Variants in AFF1 observed in about 807,000 individuals in gnomAD.
AFF1 encodes ALF transcription elongation factor 1.
Under a neutral mutation model 121.7 loss-of-function variants are expected in AFF1, and 48 were observed. That is an observed-to-expected ratio of 0.39 (90% CI 0.31 to 0.50). The LOEUF is 0.50. Among genes scored for constraint, AFF1 ranks in the 20% least tolerant of loss-of-function variants. The pLI, the probability that AFF1 is intolerant of heterozygous loss-of-function variation, is 0.76. For missense variants in AFF1, 1,523 were observed against 1,511.7 expected (o/e 1.01, Z -0.12); for synonymous variants, 613 against 563.0 (o/e 1.09, Z -1.26).
At chr4:87,123,254 A>C (rs1247496643) in intron 12 of AFF1, among the ~76,000 whole-genome samples, 1 of 152,238 alleles carries the variant, frequency 6.6e-6, no homozygotes, top group Non-Finnish European at 1.5e-5. Context: ...ATCAACTCCC[A>C]AAATATGTAA....
At chr4:86,998,279 C>G (rs956032369) in intron 2 of AFF1, among the ~76,000 whole-genome samples, 2 of 152,048 alleles carry the variant, frequency 1.3e-5, no homozygotes, top group Admixed American at 1.3e-4. Context: ...CAACAGATGT[C>G]CCTGGAGACA....
intron 2 of AFF1, among the ~76,000 whole-genome samples, chr4:86,977,144 C>G (rs937402321): frequency 6.6e-6 from 1 of 152,162 alleles, no homozygotes; most frequent in Non-Finnish European, 1.5e-5. Flanking sequence ...GAGACAGATA[C>G]ATTCTAAGAC....
chr4:87,125,951 A>G (rs1560654902), intron 13 of AFF1, 148 bp from the exon 14 acceptor site: 7 of 784,452 alleles, frequency 8.9e-6, no homozygotes, highest in Non-Finnish European at 1.5e-5. Flanking sequence ...AAATGCCTCA[A>G]AAAGTCCCTG....
chr4:86,994,466 A>G (rs150657673), intron 2 of AFF1, among the ~76,000 whole-genome samples: 2 of 152,376 alleles, frequency 1.3e-5, no homozygotes, highest in East Asian at 1.9e-4. Flanking sequence ...AGATTATGCA[A>G]TCTGGGGGCA....
intron 4 of AFF1, among the ~76,000 whole-genome samples, chr4:87,052,466 T>C (rs1271954817): frequency 6.6e-6 from 1 of 150,656 alleles, no homozygotes; most frequent in Non-Finnish European, 1.5e-5. Flanking sequence ...ATGAGGGGAG[T>C]ATGGCTAGAA....
intron 2 of AFF1, among the ~76,000 whole-genome samples, chr4:86,998,126 A>AAAAAAAC (rs1725381921): frequency 1.1e-4 from 15 of 132,772 alleles, no homozygotes; most frequent in African/African-American, 4.2e-4. Context: ...AAAAAAAAAA[A>AAAAAAAC]ACAAGAAAAC....
intron 11 of AFF1, among the ~76,000 whole-genome samples, chr4:87,110,998 A>ATTTTTTT (rs1263757983): frequency 4.9e-5 from 4 of 81,044 alleles, no homozygotes; most frequent in African/African-American, 2.3e-4. Flanking sequence ...CTTAAACTTT[A>ATTTTTTT]TTTTTTTTTT....
chr4:87,022,019 A>G (rs985390159), intron 2 of AFF1, among the ~76,000 whole-genome samples: 2 of 152,308 alleles, frequency 1.3e-5, no homozygotes, highest in African/African-American at 4.8e-5. Flanking sequence ...CCTAGCTGAC[A>G]TGGTGAAACT....
chr4:86,968,507 G>A (rs1305677031), intron 2 of AFF1, among the ~76,000 whole-genome samples: 1 of 152,100 alleles, frequency 6.6e-6, no homozygotes, highest in African/African-American at 2.4e-5. Context: ...ATGATATTTC[G>A]ACTGTGCCCT....
intron 1 of AFF1, among the ~76,000 whole-genome samples, chr4:86,947,673 C>T (rs1720961218): frequency 6.6e-6 from 1 of 152,162 alleles, no homozygotes; most frequent in East Asian, 1.9e-4. Flanking sequence ...CAGCTGTAGA[C>T]AGTGTTAACC....
At chr4:86,991,982 C>T (rs1440271285) in intron 2 of AFF1, among the ~76,000 whole-genome samples, 1 of 151,990 alleles carries the variant, frequency 6.6e-6, no homozygotes, top group Non-Finnish European at 1.5e-5. Context: ...TTGCCTTTTG[C>T]AGAAGTCGTC....
intron 2 of AFF1, among the ~76,000 whole-genome samples, chr4:87,002,431 T>G (rs1251915547): frequency 5.0e-4 from 71 of 142,810 alleles, no homozygotes; most frequent in Admixed American, 2.8e-4. Context: ...TGAAGTTTTT[T>G]TTTTTTTTTT....
chr4:87,104,600 A>T (rs1481782575), intron 8 of AFF1, among the ~76,000 whole-genome samples: 1 of 152,198 alleles, frequency 6.6e-6, no homozygotes, highest in Admixed American at 6.5e-5. Context: ...TCATTAGAAA[A>T]CATAGTGATT....
At chr4:87,066,467 G>A (rs1196764578) in intron 4 of AFF1, among the ~76,000 whole-genome samples, 4 of 152,082 alleles carry the variant, frequency 2.6e-5, no homozygotes, top group Admixed American at 1.3e-4. Context: ...TGTGCTTGTA[G>A]TCTTAGCTGC....
In AFF1 at chr4:87,113,238, A is replaced by G. The variant is rs75886567; in HGVS notation, c.1534-1129A>G. Among the ~76,000 whole-genome samples the G allele has an allele frequency of 1.4e-3, 215 of 152,298 alleles. 6 individuals carry two copies. In the East Asian group the frequency reaches 0.033, roughly 23 times the overall value. On this transcript the variant is annotated intron_variant, in intron 11 of 20. Transcript: ENST00000395146. ...ATGCCTCCCTTTGTATCTTAGAAAC[A>G]TAGGTGCTGTTTCAGACCAGGTTGC...
intron 1 of AFF1, among the ~76,000 whole-genome samples, chr4:86,945,270 A>C (rs1377466598): frequency 4.3e-5 from 6 of 140,142 alleles, no homozygotes; most frequent in African/African-American, 1.7e-4. Context: ...GTACAGCACT[A>C]CTCTGTTTTT....
Position 87,137,088 on chromosome 4 carries a change from T to C in AFF1, c.*1387T>C, listed in dbSNP as rs1233738059. 4.4e-6 allele frequency: 1 copy of C among 225,042 alleles called. No individual in the cohort carries two copies. Among genetic ancestry groups the C allele is most frequent in the African/African-American group, 2.2e-5 (1 of 44,900 alleles). The allele number at this position is 225,042 out of a possible 1,614,324, so 13.9% of individuals were successfully genotyped here. Reference sequence around the variant, plus strand: ...GCCCATAAGCACAGATTTTTCTTTTTCATTGAAACTTTAAAGGTTATTATT... The same window carrying C: ...GCCCATAAGCACAGATTTTTCTTTTCCATTGAAACTTTAAAGGTTATTATT... On this transcript the variant is annotated 3_prime_UTR_variant, in exon 21 of 21. Transcript: ENST00000395146.
At chr4:87,026,151 G>A (rs925675509) in intron 2 of AFF1, among the ~76,000 whole-genome samples, 17 of 151,314 alleles carry the variant, frequency 1.1e-4, no homozygotes, top group East Asian at 9.7e-4. Flanking sequence ...GTTGCAGTGA[G>A]CTGACACCAT....
At chr4:87,127,165 T>G in intron 15 of AFF1, 48 bp downstream of exon 15, 26 of 1,109,388 alleles carry the variant, frequency 2.3e-5, no homozygotes, top group East Asian at 3.2e-5. Flanking sequence ...TTTGTTTTGC[T>G]TCCCCCCCCC....
Sources: gnomAD v4.1 joint callset for allele counts (sites outside exome capture counted in the v4.1 genomes callset) on GRCh38, gnomAD v4.1.1 for gene constraint, MANE v1.5 for transcripts, NCBI Gene and HGNC (gene_info 2026-07-23, HGNC 2026-07-21) for gene names.